The following RALGAPA2 variants were observed in gnomAD, a reference collection of about 807,000 sequenced individuals.
RALGAPA2 encodes the protein Ral GTPase activating protein catalytic subunit alpha 2, also known as ral GTPase-activating protein subunit alpha-2.
In RALGAPA2, 139 loss-of-function variants were observed where a neutral mutation model predicts 230.4. The observed-to-expected ratio is 0.60, with a 90% CI of 0.53 to 0.69. RALGAPA2 has a LOEUF of 0.69. Ranked by LOEUF, RALGAPA2 falls within the 30% of genes least tolerant of loss-of-function variation. The pLI is 0.00. For synonymous variants in RALGAPA2, 847 were observed against 837.8 expected, an observed-to-expected ratio of 1.01 and a Z score of -0.19; for missense variants, 2,163 against 2,276.0, an observed-to-expected ratio of 0.95 and a Z score of 1.01.
At chr20:20,459,415 G>A (rs1267511689) in intron 37 of RALGAPA2, among the ~76,000 whole-genome samples, 1 of 149,954 alleles carries the variant, frequency 6.7e-6, no homozygotes, top group Non-Finnish European at 1.5e-5. Context: ...ATGCTTAAGA[G>A]GTTTTTTTGC....
chr20:20,615,779 C>T lies in RALGAPA2; in HGVS notation c.1688+264G>A, dbSNP rs1182528197. Among the ~76,000 whole-genome samples the T allele has an allele frequency of 2.3e-4, 3 of 12,872 alleles. No homozygotes were observed. The African/African-American group carries it at 3.3e-3, about 14-fold the overall frequency. The allele number at this position is 12,872 out of a possible 152,430, so 8.4% of individuals were successfully genotyped here. The stretch of plus-strand genomic sequence containing the variant: ...CACCAGTTGCTGCTTTTCCACAAAA[C>T]TATGTTTAACGTTTAAAAGGAAAAA... On this transcript the variant is annotated intron_variant, in intron 13 of 39. Coordinates refer to ENST00000202677, the MANE Select transcript of RALGAPA2 (RefSeq NM_020343.4).
chr20:20,687,568 C>A (rs2068752135), intron 1 of RALGAPA2, among the ~76,000 whole-genome samples: 1 of 152,136 alleles, frequency 6.6e-6, no homozygotes, highest in Non-Finnish European at 1.5e-5. Flanking sequence ...TGAACCCAAC[C>A]CACCAGTCTG....
At chr20:20,562,575 T>A (rs1324325755) in intron 23 of RALGAPA2, among the ~76,000 whole-genome samples, 1 of 152,202 alleles carries the variant, frequency 6.6e-6, no homozygotes, top group African/African-American at 2.4e-5. Flanking sequence ...TGAAAGAAAG[T>A]CTTTACACCT....
intron 37 of RALGAPA2, among the ~76,000 whole-genome samples, chr20:20,459,855 G>A (rs1425746405): frequency 1.3e-5 from 2 of 152,026 alleles, no homozygotes; most frequent in African/African-American, 2.4e-5. Context: ...TTTTCCCTTC[G>A]AGCTCCCATG....
intron 1 of RALGAPA2, among the ~76,000 whole-genome samples, chr20:20,694,371 T>C (rs1200607089): frequency 2.6e-5 from 4 of 152,312 alleles, no homozygotes; most frequent in East Asian, 1.9e-4. Flanking sequence ...AATGGTGGCA[T>C]TTCTGTGAAA....
At chr20:20,598,913 A>C (rs1379338563) in intron 16 of RALGAPA2, 2 of 358,204 alleles carry the variant, frequency 5.6e-6, no homozygotes, top group African/African-American at 4.3e-5. Context: ...TTAAACATTT[A>C]AAGGAGGTCA....
At chr20:20,393,898 C>T (rs963941358) in intron 39 of RALGAPA2, among the ~76,000 whole-genome samples, 7 of 152,194 alleles carry the variant, frequency 4.6e-5, no homozygotes, top group African/African-American at 1.7e-4. Flanking sequence ...CCTGCTGCAA[C>T]ACCAAGCCAC....
Position 20,572,899 on chromosome 20 carries a change from A to G in RALGAPA2, c.2877T>C (p.Tyr959=). 1 of 1,558,282 alleles carries G rather than the reference A, an allele frequency of 6.4e-7. No homozygotes were observed. Among genetic ancestry groups the G allele is most frequent in the Non-Finnish European group, 8.7e-7 (1 of 1,150,166 alleles). The part of the protein sequence containing the change: ...KIHARVFCYL[Y]ELWYKLAKIR... Reference sequence around the variant, plus strand: ...CCTTTGCTAGTTTGTACCAGAGTTCATAGAGATAGCAGAAAACTCTGGCAT... The same window carrying G: ...CCTTTGCTAGTTTGTACCAGAGTTCGTAGAGATAGCAGAAAACTCTGGCAT... The change falls in exon 21 of 40, where the codon TAT becomes TAC. Residue 959 remains tyrosine, a synonymous_variant. Transcript: ENST00000202677.
chr20:20,395,047 G>A (rs1345932576), intron 39 of RALGAPA2, among the ~76,000 whole-genome samples: 1 of 152,166 alleles, frequency 6.6e-6, no homozygotes, highest in Non-Finnish European at 1.5e-5. Context: ...AAAGAGGGGT[G>A]CACCTCGAGT....
At chr20:20,591,717 G>A (rs1044061431) in intron 16 of RALGAPA2, among the ~76,000 whole-genome samples, 14 of 151,488 alleles carry the variant, frequency 9.2e-5, no homozygotes, top group South Asian at 8.3e-4. Flanking sequence ...CATACACCCT[G>A]AAGGAAGATG....
chr20:20,529,584 C>T (rs1042992083), intron 27 of RALGAPA2, among the ~76,000 whole-genome samples: 1 of 152,192 alleles, frequency 6.6e-6, no homozygotes, highest in Non-Finnish European at 1.5e-5. Context: ...TACTGTACCT[C>T]TTCTATGTCT....
At chr20:20,614,317 T>C (rs569078066) in intron 13 of RALGAPA2, among the ~76,000 whole-genome samples, 5 of 152,318 alleles carry the variant, frequency 3.3e-5, no homozygotes, top group African/African-American at 9.6e-5. Flanking sequence ...TTTTATTTCC[T>C]AGAATTTTCA....
At chr20:20,659,701 A>C in intron 3 of RALGAPA2, 1 of 478,656 alleles carries the variant, frequency 2.1e-6, no homozygotes, top group Non-Finnish European at 3.9e-6. Flanking sequence ...CAACAGCAGC[A>C]GCGAGAGGAT....
At chr20:20,632,905 C>G (rs2066725411) in intron 9 of RALGAPA2, among the ~76,000 whole-genome samples, 1 of 151,678 alleles carries the variant, frequency 6.6e-6, no homozygotes, top group Non-Finnish European at 1.5e-5. Flanking sequence ...ACTTCATAGT[C>G]TATTGATTGG....
At chr20:20,512,244 C>CACACACACACACACACAT (rs1556256279) in intron 32 of RALGAPA2, among the ~76,000 whole-genome samples, 109 of 148,454 alleles carry the variant, frequency 7.3e-4, no homozygotes, top group African/African-American at 2.5e-3. Flanking sequence ...CACACATACA[C>CACACACACACACACACAT]ACACACACAC....
intron 10 of RALGAPA2, among the ~76,000 whole-genome samples, chr20:20,627,419 A>G: frequency 6.6e-6 from 1 of 152,222 alleles, no homozygotes. Flanking sequence ...ATCAGATTGG[A>G]TGGCACGTGG....
chr20:20,505,847 C>T (rs2062517918), intron 33 of RALGAPA2, among the ~76,000 whole-genome samples: 1 of 152,118 alleles, frequency 6.6e-6, no homozygotes, highest in South Asian at 2.1e-4. Context: ...TGAGACCATA[C>T]CCTCAGACAT....
intron 24 of RALGAPA2, among the ~76,000 whole-genome samples, chr20:20,545,227 C>A (rs879464744): frequency 3.3e-5 from 5 of 149,304 alleles, no homozygotes; most frequent in African/African-American, 1.2e-4. Context: ...TCTTCTTCTA[C>A]TTTTTTTTTT....
At chr20:20,394,585 G>A (rs2059667438) in intron 39 of RALGAPA2, among the ~76,000 whole-genome samples, 1 of 151,840 alleles carries the variant, frequency 6.6e-6, no homozygotes, top group Non-Finnish European at 1.5e-5. Flanking sequence ...CTGCAGTGAT[G>A]GCTTCACTGC....
Sources: gnomAD v4.1 joint callset for allele counts (sites outside exome capture counted in the v4.1 genomes callset) on GRCh38, gnomAD v4.1.1 for gene constraint, MANE v1.5 for transcripts, NCBI Gene and HGNC (gene_info 2026-07-23, HGNC 2026-07-21) for gene names.